ARHGAP17: variants seen among roughly 807,000 people sequenced by gnomAD.
ARHGAP17 encodes rho GTPase-activating protein 17.
A neutral mutation model predicts 99.5 loss-of-function variants in ARHGAP17; 57 were observed. The observed-to-expected ratio is 0.57, with a 90% CI of 0.46 to 0.71. ARHGAP17 has a LOEUF of 0.71. ARHGAP17 is among the 30% of genes least tolerant of loss of function. The pLI is 0.00. For synonymous variants in ARHGAP17, 417 were observed against 429.6 expected (o/e 0.97, Z 0.36); for missense variants, 1,000 against 1,122.4 (o/e 0.89, Z 1.56).
intron 1 of ARHGAP17, among the ~76,000 whole-genome samples, chr16:24,992,616 G>A (rs2141435217): frequency 6.6e-6 from 1 of 152,280 alleles, no homozygotes; most frequent in Admixed American, 6.5e-5. Flanking sequence ...TTACAGGCGT[G>A]AGCCACCGTG....
At chr16:24,984,240 AGG>A (rs2052787440) in intron 1 of ARHGAP17, among the ~76,000 whole-genome samples, 1 of 152,172 alleles carries the variant, frequency 6.6e-6, no homozygotes, top group Non-Finnish European at 1.5e-5. Context: ...CGATCAATGC[AGG>A]CTGTGGTCTT....
chr16:24,923,774 T>C (rs2050775036), intron 19 of ARHGAP17, among the ~76,000 whole-genome samples: 1 of 149,498 alleles, frequency 6.7e-6, no homozygotes, highest in Admixed American at 6.7e-5. Flanking sequence ...TGACCTCCAG[T>C]AACCAGCCTC....
At chr16:25,006,311 A>G (rs898567009) in intron 1 of ARHGAP17, among the ~76,000 whole-genome samples, 12 of 151,898 alleles carry the variant, frequency 7.9e-5, no homozygotes, top group African/African-American at 2.4e-4. Context: ...TTAGCCGGAC[A>G]TGGTGGTGTG....
intron 6 of ARHGAP17, among the ~76,000 whole-genome samples, chr16:24,965,350 G>T (rs2141292980): frequency 6.6e-6 from 1 of 152,254 alleles, no homozygotes; most frequent in South Asian, 2.1e-4. Context: ...GGCGCCTGTA[G>T]TCCCAGCAAC....
At chr16:25,005,362 C>G (rs1389043040) in intron 1 of ARHGAP17, among the ~76,000 whole-genome samples, 1 of 152,134 alleles carries the variant, frequency 6.6e-6, no homozygotes, top group Non-Finnish European at 1.5e-5. Flanking sequence ...AAATCTGTAC[C>G]TAGTCATGAA....
intron 1 of ARHGAP17, among the ~76,000 whole-genome samples, chr16:24,980,843 T>C (rs1486563676): frequency 5.9e-5 from 9 of 152,176 alleles, no homozygotes; most frequent in Admixed American, 3.3e-4. Context: ...GACAGGGCCC[T>C]GTATACCTCT....
At chr16:24,993,816 G>C (rs962814986) in intron 1 of ARHGAP17, among the ~76,000 whole-genome samples, 2 of 152,150 alleles carry the variant, frequency 1.3e-5, no homozygotes, top group Non-Finnish European at 2.9e-5. Flanking sequence ...ACTAACCATA[G>C]CATCTAAAAA....
chr16:24,931,461 C>A, intron 18 of ARHGAP17, 57 bp from the exon 19 acceptor site: 1 of 1,468,644 alleles, frequency 6.8e-7, no homozygotes. Context: ...GCAACCAACC[C>A]TGGCCAGGAG....
intron 7 of ARHGAP17, among the ~76,000 whole-genome samples, chr16:24,963,298 C>A (rs1031925302): frequency 2.0e-5 from 3 of 152,076 alleles, no homozygotes; most frequent in Non-Finnish European, 4.4e-5. Flanking sequence ...TTTCTACCCA[C>A]TATATTATTT....
intron 14 of ARHGAP17, among the ~76,000 whole-genome samples, chr16:24,945,194 G>A (rs1220174755): frequency 2.6e-5 from 4 of 151,826 alleles, no homozygotes; most frequent in African/African-American, 9.7e-5. Context: ...GTGGTGGCAT[G>A]CATCTGTATT....
At chr16:24,981,800 C>T (rs1394609798) in intron 1 of ARHGAP17, among the ~76,000 whole-genome samples, 1 of 152,068 alleles carries the variant, frequency 6.6e-6, no homozygotes, top group Non-Finnish European at 1.5e-5. Context: ...GTGTGCCTAA[C>T]TTAAAGAATT....
chr16:24,966,860 T>C lies in ARHGAP17; in HGVS notation c.461+1491A>G, dbSNP rs547257464. Among the ~76,000 whole-genome samples, 9 of 152,220 alleles carry C rather than the reference T, an allele frequency of 5.9e-5. 1 individual carries two copies. In the South Asian group the frequency reaches 1.9e-3, roughly 32 times the overall value. ...TATGCTCCTGAAGGCACAAAGCAAGTCATATAGATAACAAATGCAGGTCCC... is the reference window on the plus strand; with the variant it reads ...TATGCTCCTGAAGGCACAAAGCAAGCCATATAGATAACAAATGCAGGTCCC... On this transcript the variant is annotated intron_variant, in intron 6 of 19. Coordinates refer to ENST00000289968, the MANE Select transcript of ARHGAP17 (RefSeq NM_001006634.3).
chr16:24,964,881 G>C (rs2052126744), intron 6 of ARHGAP17, among the ~76,000 whole-genome samples: 1 of 152,012 alleles, frequency 6.6e-6, no homozygotes, highest in African/African-American at 2.4e-5. Flanking sequence ...GGCTAAGGTG[G>C]GAGGATCACT....
chr16:24,934,771 T>C (rs1389275550), intron 18 of ARHGAP17, among the ~76,000 whole-genome samples: 2 of 152,160 alleles, frequency 1.3e-5, no homozygotes, highest in African/African-American at 4.8e-5. Flanking sequence ...GAAGTGATTT[T>C]TGAGGTGAGA....
At chr16:24,941,409 T>C (rs2051308075) in intron 16 of ARHGAP17, among the ~76,000 whole-genome samples, 1 of 152,144 alleles carries the variant, frequency 6.6e-6, no homozygotes, top group South Asian at 2.1e-4. Flanking sequence ...TCCCATGAAT[T>C]GCCCATAGAA....
At chr16:25,007,787 G>T (rs2053545990) in intron 1 of ARHGAP17, among the ~76,000 whole-genome samples, 1 of 152,058 alleles carries the variant, frequency 6.6e-6, no homozygotes, top group African/African-American at 2.4e-5. Flanking sequence ...TTTCTTTTTA[G>T]TTGCCAACAT....
intron 1 of ARHGAP17, among the ~76,000 whole-genome samples, chr16:24,980,842 C>T (rs1351953144): frequency 6.6e-6 from 1 of 152,148 alleles, no homozygotes; most frequent in East Asian, 1.9e-4. Flanking sequence ...GGACAGGGCC[C>T]TGTATACCTC....
intron 1 of ARHGAP17, among the ~76,000 whole-genome samples, chr16:25,008,121 T>C (rs893850624): frequency 5.3e-5 from 8 of 152,170 alleles, no homozygotes; most frequent in African/African-American, 1.4e-4. Context: ...AGACTCTCAA[T>C]AGGTATATAA....
At chr16:24,970,279 C>A (rs2052322985) in intron 4 of ARHGAP17, among the ~76,000 whole-genome samples, 1 of 152,144 alleles carries the variant, frequency 6.6e-6, no homozygotes, top group Admixed American at 6.5e-5. Flanking sequence ...TTGTTAATGG[C>A]CCTTTCTGCC....
Sources: gnomAD v4.1 joint callset for allele counts (sites outside exome capture counted in the v4.1 genomes callset) on GRCh38, gnomAD v4.1.1 for gene constraint, MANE v1.5 for transcripts, NCBI Gene and HGNC (gene_info 2026-07-23, HGNC 2026-07-21) for gene names.